GABARAPL1: variants seen among roughly 807,000 people sequenced by gnomAD.
The protein encoded by GABARAPL1 is GABA type A receptor associated protein like 1.
In GABARAPL1, 4 loss-of-function variants were observed where a neutral mutation model predicts 14.5. That is an observed-to-expected ratio of 0.28 (90% CI 0.14 to 0.63). The LOEUF is 0.63. GABARAPL1 is among the 30% of genes least tolerant of loss of function. GABARAPL1 has a pLI of 0.84. For missense variants in GABARAPL1, 82 were observed against 139.2 expected (o/e 0.59, Z 2.07); for synonymous variants, 47 against 50.6 (o/e 0.93, Z 0.30).
intron 1 of GABARAPL1, chr12:10,213,462 C>T: frequency 1.9e-6 from 1 of 538,026 alleles, no homozygotes; most frequent in Non-Finnish European, 3.5e-6. Flanking sequence ...GGGGCCGAGC[C>T]GCCGTCTTCA....
chr12:10,216,885 A>G (rs191912594), intron 1 of GABARAPL1, among the ~76,000 whole-genome samples: 8 of 152,302 alleles, frequency 5.3e-5, no homozygotes, highest in African/African-American at 1.9e-4. Context: ...ATGATTTTAC[A>G]ATAGATATTT....
At chr12:10,215,339 C>T (rs1949081648) in intron 1 of GABARAPL1, among the ~76,000 whole-genome samples, 1 of 152,156 alleles carries the variant, frequency 6.6e-6, no homozygotes, top group South Asian at 2.1e-4. Flanking sequence ...GTGCTTGTGC[C>T]TTCAGAGAGG....
rs1225155970 is a variant in GABARAPL1 at position 10,222,258 on chromosome 12, C to T, written c.*406C>T. 1 of 203,376 alleles carries T rather than the reference C, an allele frequency of 4.9e-6. No individual in the cohort carries two copies. Among genetic ancestry groups the T allele is most frequent in the African/African-American group, 2.3e-5 (1 of 44,098 alleles). 12.6% of individuals were successfully genotyped at this position (203,376 alleles called of 1,614,324 possible). A position where few individuals can be genotyped will look rare whatever the true frequency, so the allele number is the denominator to read the frequency against. ...GCAGAGATTCTATTTTTGACATTTG[C>T]ACAAGACAGGTAGGGAAAGGGGACT... On this transcript the variant is annotated 3_prime_UTR_variant, in exon 4 of 4. Coordinates refer to ENST00000266458, the MANE Select transcript of GABARAPL1 (RefSeq NM_031412.4).
rs1171866435 is a variant in GABARAPL1, at chr12:10,218,208, A to G, written c.169+67A>G. The G allele has an allele frequency of 4.5e-6, 4 of 897,240 alleles. No individual in the cohort carries two copies. The East Asian group carries it at 9.6e-5, about 22-fold the overall frequency. The allele number at this position is 897,240 out of a possible 1,614,324, so 55.6% of individuals were successfully genotyped here. On this transcript the variant is annotated intron_variant, in intron 2 of 3. Transcript: ENST00000266458. ...AACTCTCTAGATCCTCATTACATGC[A>G]TGAGATTGTGAGATTGAGAGGCAGT... is the stretch of plus-strand genomic sequence containing the variant.
At chr12:10,220,886 G>T in intron 3 of GABARAPL1, 3 of 1,401,098 alleles carry the variant, frequency 2.1e-6, no homozygotes, top group Non-Finnish European at 2.8e-6. Context: ...GCCCATCGCA[G>T]TTCCTGCTAT....
intron 1 of GABARAPL1, chr12:10,213,664 CTTTAAT>C: frequency 2.9e-6 from 1 of 348,222 alleles, no homozygotes; most frequent in Non-Finnish European, 5.7e-6. Flanking sequence ...GCTGGTTCTC[CTTTAAT>C]GAAGTTGACT....
chr12:10,220,154 T>G (rs572319455), intron 2 of GABARAPL1, among the ~76,000 whole-genome samples: 37 of 152,270 alleles, frequency 2.4e-4, no homozygotes, highest in Non-Finnish European at 4.9e-4. Flanking sequence ...TTCAACGTAG[T>G]CCTCAGGCTT....
Position 10,221,816 on chromosome 12 carries a change from T to C in GABARAPL1, c.318T>C (p.Tyr106=). The C allele has an allele frequency of 6.8e-6, 11 of 1,614,102 alleles. No individual in the cohort carries two copies. The highest frequency in any genetic ancestry group is 9.3e-6 in the Non-Finnish European group (11 of 1,179,944). Residue 106 remains tyrosine (Y), a synonymous_variant, in exon 4 of 4, where the codon TAT becomes TAC. Coordinates refer to ENST00000266458, the MANE Select transcript of GABARAPL1 (RefSeq NM_031412.4). ...ATCATGAGGAAGACTATTTTCTGTA[T>C]GTGGCCTACAGTGATGAGAGTGTCT... ...EDNHEEDYFL[Y]VAYSDESVYG... is the part of the protein sequence containing the mutation.
At chr12:10,215,253 C>T (rs1949081146) in intron 1 of GABARAPL1, among the ~76,000 whole-genome samples, 1 of 152,230 alleles carries the variant, frequency 6.6e-6, no homozygotes, top group South Asian at 2.1e-4. Context: ...AAAGCAATGG[C>T]GTACCCTGAC....
intron 2 of GABARAPL1, 37 bp downstream of exon 2, chr12:10,218,178 G>GA (rs1592005177): frequency 8.3e-7 from 1 of 1,199,670 alleles, no homozygotes. Context: ...TTCCTCCGGT[G>GA]AAAAAACTCT....
rs890030788 is a variant in GABARAPL1 at position 10,213,028 on chromosome 12, G to C, written c.-102G>C. ...TGCCCCCGGAGCGGACGTTTCTGCA[G>C]CTATTCTGAGCACACCTTGACGTCG... On this transcript the variant is annotated 5_prime_UTR_variant, in exon 1 of 4. Transcript: ENST00000266458. 3.6e-5 allele frequency: 26 copies of C among 720,864 alleles called. No homozygotes were observed. The highest frequency in any genetic ancestry group is 5.4e-5 in the Non-Finnish European group (22 of 406,158). 44.7% of individuals were successfully genotyped at this position (720,864 alleles called of 1,614,324 possible).
intron 1 of GABARAPL1, among the ~76,000 whole-genome samples, chr12:10,215,014 C>T (rs1395302198): frequency 6.6e-6 from 1 of 152,212 alleles, no homozygotes; most frequent in Admixed American, 6.5e-5. Flanking sequence ...CAGATTTCAG[C>T]TTTCCTAGGG....
rs1159457464 is a variant in GABARAPL1 at position 10,222,027 on chromosome 12, T to G, written c.*175T>G. ...CATTTTCACATGCTCAATTGATATTTTTTGCTGCTTCCTCGGCCCAGGGAG... is the reference window on the plus strand; with the variant it reads ...CATTTTCACATGCTCAATTGATATTGTTTGCTGCTTCCTCGGCCCAGGGAG... On this transcript the variant is annotated 3_prime_UTR_variant, in exon 4 of 4. Transcript: ENST00000266458. 4 of 627,368 alleles carry G rather than the reference T, an allele frequency of 6.4e-6. No individual in the cohort carries two copies. The highest frequency in any genetic ancestry group is 1.1e-5 in the Non-Finnish European group (4 of 352,908). 38.9% of individuals were successfully genotyped at this position (627,368 alleles called of 1,614,324 possible).
Position 10,221,983 on chromosome 12 carries a change from AC to A in GABARAPL1, c.*133del. 1 of 721,332 alleles carries A rather than the reference AC, an allele frequency of 1.4e-6. No individual in the cohort carries two copies. The highest frequency in any genetic ancestry group is 2.4e-6 in the Non-Finnish European group (1 of 413,834). 44.7% of individuals were successfully genotyped at this position (721,332 alleles called of 1,614,324 possible). ...AGGTGAAGACATCTAGAAACATTACACCACACACACCGTCATCACATTTTCA... is the reference window on the plus strand; with the variant it reads ...AGGTGAAGACATCTAGAAACATTACACACACACACCGTCATCACATTTTCA... On this transcript the variant is annotated 3_prime_UTR_variant, in exon 4 of 4. Coordinates refer to ENST00000266458, the MANE Select transcript of GABARAPL1 (RefSeq NM_031412.4).
intron 1 of GABARAPL1, among the ~76,000 whole-genome samples, chr12:10,216,542 T>C (rs113479912): frequency 0.019 from 2,882 of 148,810 alleles, 39 homozygotes; most frequent in African/African-American, 0.042. Flanking sequence ...CTTTTCTTTT[T>C]TTTTTTTTTT....
At chr12:10,213,668 A>T in intron 1 of GABARAPL1, 1 of 347,238 alleles carries the variant, frequency 2.9e-6, no homozygotes, top group East Asian at 7.6e-5. Context: ...GTTCTCCTTT[A>T]ATGAAGTTGA....
chr12:10,213,146 A>C lies in GABARAPL1; in HGVS notation c.17A>C (p.Lys6Thr). The C allele has an allele frequency of 1.3e-6, 2 of 1,587,332 alleles. No individual in the cohort carries two copies. Among genetic ancestry groups the C allele is most frequent in the Non-Finnish European group, 1.7e-6 (2 of 1,166,474 alleles). The change falls in exon 1 of 4, where the codon AAG becomes ACG. Residue 6 changes from lysine to threonine, a missense_variant. Transcript: ENST00000266458. MKFQY[K>T]EDHPFEYRKK... ...CGGTGCATCATGAAGTTCCAGTACA[A>C]GGAGGACCATCCCTTTGAGTATCGG...
chr12:10,220,680 A>T, intron 3 of GABARAPL1, 122 bp downstream of exon 3: 1 of 1,553,826 alleles, frequency 6.4e-7, no homozygotes, highest in Non-Finnish European at 8.7e-7. Context: ...ATTTATCCGG[A>T]TCCTCTTACA....
At chr12:10,216,918 A>T (rs1949093839) in intron 1 of GABARAPL1, among the ~76,000 whole-genome samples, 1 of 152,198 alleles carries the variant, frequency 6.6e-6, no homozygotes, top group Non-Finnish European at 1.5e-5. Flanking sequence ...GTTTTAGTGT[A>T]TTAAAAATAT....
Sources: allele counts gnomAD v4.1 joint callset (sites outside exome capture counted in the v4.1 genomes callset), GRCh38; gene constraint gnomAD v4.1.1; transcripts MANE v1.5; gene names NCBI Gene and HGNC (gene_info 2026-07-23, HGNC 2026-07-21).